Variants in BTF3L4 observed in about 807,000 individuals in gnomAD.
BTF3L4 encodes basic transcription factor 3 like 4.
BTF3L4 carries 6 observed loss-of-function variants against 16.8 expected under a neutral mutation model. The observed-to-expected ratio is 0.36, with a 90% CI of 0.20 to 0.71. BTF3L4 has a LOEUF of 0.71. Ranked by LOEUF, BTF3L4 falls within the 30% of genes least tolerant of loss-of-function variation. BTF3L4 has a pLI of 0.58. For synonymous variants in BTF3L4, 39 were observed against 59.8 expected (o/e 0.65, Z 1.60); for missense variants, 92 against 186.9 (o/e 0.49, Z 2.96).
intron 3 of BTF3L4, among the ~76,000 whole-genome samples, chr1:52,075,914 C>T (rs1448117390): frequency 6.6e-6 from 1 of 152,166 alleles, no homozygotes; most frequent in Non-Finnish European, 1.5e-5. Context: ...ATCCACCCGC[C>T]TCAGCCTCCC....
chr1:52,063,044 C>T (rs1199277375), intron 2 of BTF3L4, among the ~76,000 whole-genome samples: 5 of 152,174 alleles, frequency 3.3e-5, no homozygotes, highest in African/African-American at 4.8e-5. Context: ...GCTGTGCTGC[C>T]GTGTTCCTAA....
intron 3 of BTF3L4, among the ~76,000 whole-genome samples, chr1:52,076,516 G>A (rs771461867): frequency 6.8e-6 from 1 of 146,630 alleles, no homozygotes; most frequent in Non-Finnish European, 1.5e-5. Context: ...GGCGGAGGTC[G>A]CAGTGAGCCG....
intron 3 of BTF3L4, among the ~76,000 whole-genome samples, chr1:52,067,947 G>A (rs112474097): frequency 6.6e-6 from 1 of 152,202 alleles, no homozygotes; most frequent in African/African-American, 2.4e-5. Context: ...CCATGTATAC[G>A]TACCTTGCAG....
chr1:52,070,099 C>T (rs1686746359), intron 3 of BTF3L4, among the ~76,000 whole-genome samples: 1 of 151,936 alleles, frequency 6.6e-6, no homozygotes, highest in African/African-American at 2.4e-5. Flanking sequence ...TGCCTGTAAT[C>T]CTAGCTACTC....
At chr1:52,064,260 T>TG (rs1558004826) in intron 2 of BTF3L4, among the ~76,000 whole-genome samples, 1 of 152,116 alleles carries the variant, frequency 6.6e-6, no homozygotes, top group African/African-American at 2.4e-5. Context: ...TAATAAAGTA[T>TG]TGCTTTGCCC....
chr1:52,057,535 C>T (rs2124407439), intron 1 of BTF3L4, among the ~76,000 whole-genome samples: 1 of 152,242 alleles, frequency 6.6e-6, no homozygotes, highest in Middle Eastern at 3.4e-3. Flanking sequence ...TTTGCTGGTG[C>T]TAGCAGATGT....
intron 4 of BTF3L4, among the ~76,000 whole-genome samples, chr1:52,084,272 A>C (rs553998509): frequency 6.6e-6 from 1 of 151,952 alleles, no homozygotes; most frequent in African/African-American, 2.4e-5. Context: ...CCCGAGTAGC[A>C]GGGACTACAG....
At chr1:52,072,020 G>GTTTTTTTTTTTTTTT (rs139770010) in intron 3 of BTF3L4, among the ~76,000 whole-genome samples, 1 of 121,708 alleles carries the variant, frequency 8.2e-6, no homozygotes. Context: ...TTTAGCCAGG[G>GTTTTTTTTTTTTTTT]TTTTTTTTTG....
intron 3 of BTF3L4, among the ~76,000 whole-genome samples, chr1:52,077,421 A>G (rs1490064315): frequency 1.3e-5 from 2 of 152,164 alleles, no homozygotes; most frequent in Non-Finnish European, 2.9e-5. Context: ...ACATGCCTGT[A>G]ATCCCAGCTA....
rs929237154 is a variant in BTF3L4, at chr1:52,087,451, C to T, written c.*693C>T. Reference sequence around the variant, plus strand: ...GCTTCCTAAATGCCTTTTTTCCTCTCCTTTTGGTCTCCAAATGGCCTGGTC... The same window carrying T: ...GCTTCCTAAATGCCTTTTTTCCTCTTCTTTTGGTCTCCAAATGGCCTGGTC... On this transcript the variant is annotated 3_prime_UTR_variant, in exon 6 of 6. Transcript: ENST00000313334. 9.9e-5 allele frequency: 15 copies of T among 152,240 alleles called. No individual in the cohort carries two copies. Among genetic ancestry groups the T allele is most frequent in the African/African-American group, 3.1e-4 (13 of 41,556 alleles). The allele number at this position is 152,240 out of a possible 1,614,324, so 9.4% of individuals were successfully genotyped here.
rs1643995037 is a variant in BTF3L4 at position 52,088,887 on chromosome 1, C to T, written c.*2129C>T. 1 of 151,316 alleles carries T rather than the reference C, an allele frequency of 6.6e-6. No individual in the cohort carries two copies. Among genetic ancestry groups the T allele is most frequent in the African/African-American group, 2.4e-5 (1 of 41,052 alleles). 9.4% of individuals were successfully genotyped at this position (151,316 alleles called of 1,614,324 possible). On this transcript the variant is annotated 3_prime_UTR_variant, in exon 6 of 6. Coordinates refer to ENST00000313334, the MANE Select transcript of BTF3L4 (RefSeq NM_152265.5). Reference sequence around the variant, plus strand: ...CACCTCCCAGATTCAAGCGATTCTCCTGTCTCAGCCTCCACAGTAGCTGGG... The same window carrying T: ...CACCTCCCAGATTCAAGCGATTCTCTTGTCTCAGCCTCCACAGTAGCTGGG...
intron 1 of BTF3L4, among the ~76,000 whole-genome samples, chr1:52,057,974 G>A (rs1468114356): frequency 6.6e-6 from 1 of 152,164 alleles, no homozygotes; most frequent in East Asian, 1.9e-4. Context: ...ACTTCAAAAT[G>A]CAGAAGAATC....
At chr1:52,057,541 G>A (rs77286508) in intron 1 of BTF3L4, among the ~76,000 whole-genome samples, 1,814 of 152,332 alleles carry the variant, frequency 0.012, 38 homozygotes, top group African/African-American at 0.042. Context: ...GGTGCTAGCA[G>A]ATGTTGAGAT....
intron 3 of BTF3L4, 68 bp downstream of exon 3, chr1:52,065,006 ATG>A (rs1362521475): frequency 1.3e-5 from 11 of 830,238 alleles, no homozygotes; most frequent in Non-Finnish European, 3.7e-6. Flanking sequence ...GACCTTTCAG[ATG>A]TAAAATATCA....
chr1:52,071,196 A>G (rs1184164189), intron 3 of BTF3L4: 1 of 152,212 alleles, frequency 6.6e-6, no homozygotes, highest in African/African-American at 2.4e-5. Context: ...TGTAACCAAA[A>G]AGCACTTTCC....
chr1:52,085,318 T>TTTGTTG (rs34625670), intron 4 of BTF3L4, among the ~76,000 whole-genome samples: 1 of 147,894 alleles, frequency 6.8e-6, no homozygotes, highest in African/African-American at 2.5e-5. Context: ...TGTGCCCAGC[T>TTTGTTG]TTGTTGTTGT....
chr1:52,082,146 T>C (rs960385821), intron 3 of BTF3L4, among the ~76,000 whole-genome samples: 10 of 152,320 alleles, frequency 6.6e-5, no homozygotes, highest in Admixed American at 5.9e-4. Flanking sequence ...TATTCACACA[T>C]TTAACTTACA....
chr1:52,058,115 G>C (rs1394307749), intron 1 of BTF3L4, among the ~76,000 whole-genome samples: 1 of 152,080 alleles, frequency 6.6e-6, no homozygotes, highest in Non-Finnish European at 1.5e-5. Flanking sequence ...AGTGAATGTT[G>C]GTCCTTTTCT....
At chr1:52,081,247 T>A (rs1233487009) in intron 3 of BTF3L4, among the ~76,000 whole-genome samples, 1 of 151,484 alleles carries the variant, frequency 6.6e-6, no homozygotes, top group Non-Finnish European at 1.5e-5. Context: ...AAGCCACTTC[T>A]GCCTCAGCCT....
Sources: gnomAD v4.1 joint callset for allele counts (sites outside exome capture counted in the v4.1 genomes callset) on GRCh38, gnomAD v4.1.1 for gene constraint, MANE v1.5 for transcripts, NCBI Gene and HGNC (gene_info 2026-07-23, HGNC 2026-07-21) for gene names.